Variants in ADD3 observed in about 807,000 individuals in gnomAD.
ADD3 encodes adducin 3.
A neutral mutation model predicts 80.2 loss-of-function variants in ADD3; 25 were observed. The observed-to-expected ratio is 0.31, with a 90% CI of 0.23 to 0.44. The LOEUF (loss-of-function observed/expected upper bound fraction) is 0.44, where lower values mean the gene tolerates loss of function less well. Ranked by LOEUF, ADD3 falls within the 20% of genes least tolerant of loss-of-function variation. ADD3 has a pLI of 1.00. For missense variants in ADD3, 829 were observed against 847.5 expected (o/e 0.98, Z 0.27); for synonymous variants, 284 against 289.6 (o/e 0.98, Z 0.20).
At chr10:110,087,901 TG>T (rs763505489) in intron 1 of ADD3, among the ~76,000 whole-genome samples, 12 of 152,112 alleles carry the variant, frequency 7.9e-5, no homozygotes, top group Non-Finnish European at 1.5e-4. Flanking sequence ...AAAATCAAGG[TG>T]TTGGCAGGAT....
At chr10:110,098,347 T>C (rs1351312907) in intron 1 of ADD3, among the ~76,000 whole-genome samples, 1 of 152,214 alleles carries the variant, frequency 6.6e-6, no homozygotes, top group Non-Finnish European at 1.5e-5. Context: ...AGTATCTGTT[T>C]TATAGGTACT....
chr10:110,001,659 GTCT>G (rs966986291), upstream of ADD3, among the ~76,000 whole-genome samples: 13 of 152,006 alleles, frequency 8.6e-5, no homozygotes, highest in Non-Finnish European at 2.9e-5. Flanking sequence ...GTCCTCAATC[GTCT>G]TCTTTATTCA....
chr10:110,070,139 T>A (rs1226736028), intron 1 of ADD3, among the ~76,000 whole-genome samples: 1 of 152,182 alleles, frequency 6.6e-6, no homozygotes, highest in Non-Finnish European at 1.5e-5. Context: ...CAGGGTAACT[T>A]GCCCTGTAAC....
intron 2 of ADD3, among the ~76,000 whole-genome samples, chr10:110,108,904 A>G (rs1849679757): frequency 6.6e-6 from 1 of 152,196 alleles, no homozygotes; most frequent in South Asian, 2.1e-4. Flanking sequence ...ACTGCGTAGA[A>G]GCTATTCGTC....
chr10:110,117,942 T>A (rs1850967711), intron 5 of ADD3, among the ~76,000 whole-genome samples: 1 of 151,094 alleles, frequency 6.6e-6, no homozygotes, highest in South Asian at 2.1e-4. Flanking sequence ...CTTGAATCCA[T>A]AAGGTAGAGG....
chr10:110,010,997 A>G (rs1173462314), intron 1 of ADD3, among the ~76,000 whole-genome samples: 2 of 152,060 alleles, frequency 1.3e-5, no homozygotes, highest in African/African-American at 2.4e-5. Flanking sequence ...TTGAAAGGGT[A>G]TTCTCTTTTG....
intron 3 of ADD3, among the ~76,000 whole-genome samples, chr10:110,113,147 A>G (rs1034266132): frequency 7.2e-5 from 11 of 152,146 alleles, no homozygotes; most frequent in African/African-American, 2.2e-4. Context: ...GACTTGTGGC[A>G]TGTGTCAGTA....
chr10:110,063,723 AATATATATATTCATTATATAT>A (rs1564913455), intron 1 of ADD3, among the ~76,000 whole-genome samples: 2 of 98,952 alleles, frequency 2.0e-5, no homozygotes, highest in Non-Finnish European at 4.3e-5. Flanking sequence ...GATGAATATG[AATATATATATTCATTATATAT>A]ATATATATAT....
intron 1 of ADD3, among the ~76,000 whole-genome samples, chr10:110,098,641 T>A (rs1281082261): frequency 2.0e-5 from 3 of 152,142 alleles, no homozygotes; most frequent in African/African-American, 7.2e-5. Flanking sequence ...AGAATTTTTT[T>A]TTTTTTGAGA....
At chr10:110,032,333 C>T (rs1431501929) in intron 1 of ADD3, among the ~76,000 whole-genome samples, 2 of 152,128 alleles carry the variant, frequency 1.3e-5, no homozygotes, top group South Asian at 2.1e-4. Context: ...GATGTGATCA[C>T]AAATCATGAG....
intron 1 of ADD3, among the ~76,000 whole-genome samples, chr10:110,066,875 T>C (rs1002590746): frequency 2.0e-5 from 3 of 152,240 alleles, no homozygotes; most frequent in African/African-American, 4.8e-5. Flanking sequence ...GTGATCTATA[T>C]AATGACATTA....
At chr10:110,022,048 G>A (rs959416700) in intron 1 of ADD3, among the ~76,000 whole-genome samples, 8 of 152,256 alleles carry the variant, frequency 5.3e-5, no homozygotes, top group Non-Finnish European at 7.4e-5. Context: ...AGCCTGCTTT[G>A]CTTAAAGAGG....
chr10:110,104,398 T>C (rs1207618171), intron 2 of ADD3, among the ~76,000 whole-genome samples: 3 of 152,230 alleles, frequency 2.0e-5, no homozygotes. Flanking sequence ...TGTGTTTTTC[T>C]TAGTCTGCTT....
At chr10:110,109,172 C>T (rs1229261921) in intron 2 of ADD3, among the ~76,000 whole-genome samples, 1 of 152,112 alleles carries the variant, frequency 6.6e-6, no homozygotes, top group African/African-American at 2.4e-5. Flanking sequence ...TCCCACCCAG[C>T]AGAAATTTCT....
intron 14 of ADD3, 83 bp downstream of exon 14, chr10:110,132,483 T>C (rs1853157098): frequency 3.7e-6 from 3 of 809,188 alleles, no homozygotes; most frequent in Non-Finnish European, 4.1e-6. Flanking sequence ...CGTGAGGAAG[T>C]TGAATACCTC....
At chr10:110,005,963 G>A, upstream of ADD3, 1 of 225,574 alleles carries the variant, frequency 4.4e-6, no homozygotes, top group Non-Finnish European at 9.0e-6. Flanking sequence ...TTACTACTCA[G>A]CATTGAGAGA....
chr10:110,128,663 C>T (rs778636146), intron 12 of ADD3, among the ~76,000 whole-genome samples: 7 of 152,262 alleles, frequency 4.6e-5, no homozygotes, highest in East Asian at 3.9e-4. Flanking sequence ...GTGATCTGCC[C>T]GCCTTGGCCT....
chr10:110,058,107 GAT>G (rs1491089529), intron 1 of ADD3, among the ~76,000 whole-genome samples: 1 of 88,642 alleles, frequency 1.1e-5, no homozygotes, highest in Non-Finnish European at 3.3e-5. Flanking sequence ...ATCTCCTGAA[GAT>G]TTTTTTTTTT....
chr10:110,078,350 C>T (rs1845620492), intron 1 of ADD3, among the ~76,000 whole-genome samples: 1 of 152,160 alleles, frequency 6.6e-6, no homozygotes, highest in African/African-American at 2.4e-5. Context: ...ATGACTATCC[C>T]AGCAATGCTA....
Sources: allele counts gnomAD v4.1 joint callset (sites outside exome capture counted in the v4.1 genomes callset), GRCh38; gene constraint gnomAD v4.1.1; transcripts MANE v1.5; gene names NCBI Gene and HGNC (gene_info 2026-07-23, HGNC 2026-07-21).